Variants in GRK4 observed in about 807,000 individuals in gnomAD.
GRK4 encodes G protein-coupled receptor kinase 4, also known as G protein-coupled receptor kinase 2-like.
In GRK4, 73 loss-of-function variants were observed where a neutral mutation model predicts 77.9. The observed-to-expected ratio is 0.94, with a 90% confidence interval of 0.78 to 1.14. GRK4 has a LOEUF of 1.14. Ranked by LOEUF, GRK4 falls within the 50% of genes most tolerant of loss-of-function variation. The probability of loss-of-function intolerance (pLI) is 0.00; values close to 1 mark genes in which losing one functional copy is unlikely to be tolerated. For missense variants in GRK4, 729 were observed against 700.2 expected (o/e 1.04, Z -0.46); for synonymous variants, 257 against 254.4 (o/e 1.01, Z -0.10).
At chr4:3,004,489 T>C (rs1730733835) in intron 5 of GRK4, among the ~76,000 whole-genome samples, 155 bp downstream of exon 5, 2 of 152,198 alleles carry the variant, frequency 1.3e-5, no homozygotes, top group Non-Finnish European at 2.9e-5. Flanking sequence ...CCCAACCTTC[T>C]GCGCAGTTGA....
Position 3,009,723 on chromosome 4 carries a change from G to A in GRK4, c.600+12G>A, listed in dbSNP as rs1187538597. ...GCGGATTTGGAGAGGTGAGTAACGG[G>A]AGCCAGTTCATAGCAGCGCTGCTAG... On this transcript the variant is annotated intron_variant, in intron 7 of 15. Coordinates refer to ENST00000398052, the MANE Select transcript of GRK4 (RefSeq NM_182982.3). The A allele has an allele frequency of 1.2e-6, 2 of 1,609,442 alleles. No homozygotes were observed. Among genetic ancestry groups the A allele is most frequent in the Non-Finnish European group, 1.7e-6 (2 of 1,175,820 alleles).
At chr4:2,991,413 C>A (rs1726126215) in intron 3 of GRK4, among the ~76,000 whole-genome samples, 1 of 152,252 alleles carries the variant, frequency 6.6e-6, no homozygotes, top group Non-Finnish European at 1.5e-5. Flanking sequence ...GGCTCATAGC[C>A]TGCCCAGTTG....
Position 3,038,530 on chromosome 4 carries a change from A to G in GRK4, c.1683+17A>G. 1 of 1,600,854 alleles carries G rather than the reference A, an allele frequency of 6.2e-7. No individual in the cohort carries two copies. The highest frequency in any genetic ancestry group is 1.1e-5 in the South Asian group (1 of 89,758). ...AGAAGAGGGGTAAAAAGACTTAAAA[A>G]CTAATATATGTGTGTGTATGTGAAA... On this transcript the variant is annotated intron_variant, in intron 15 of 15. Coordinates refer to ENST00000398052, the MANE Select transcript of GRK4 (RefSeq NM_182982.3).
intron 12 of GRK4, among the ~76,000 whole-genome samples, chr4:3,033,279 C>G (rs1739660394): frequency 6.6e-6 from 1 of 152,174 alleles, no homozygotes; most frequent in Non-Finnish European, 1.5e-5. Flanking sequence ...TCACTGCACC[C>G]TCACAGGGCA....
chr4:3,036,531 G>A (rs1223023612), intron 13 of GRK4, among the ~76,000 whole-genome samples: 2 of 152,264 alleles, frequency 1.3e-5, no homozygotes, highest in Non-Finnish European at 2.9e-5. Flanking sequence ...GAGCAGATGA[G>A]GGTCCCACAG....
intron 2 of GRK4, chr4:2,986,834 A>G: frequency 8.5e-6 from 3 of 351,988 alleles, no homozygotes; most frequent in Non-Finnish European, 1.7e-5. Context: ...TTAAAGAAAG[A>G]TGATGAAGTA....
In GRK4 at chr4:3,028,400, C is replaced by T. The variant is rs1738213289; in HGVS notation, c.1060+399C>T. The stretch of plus-strand genomic sequence containing the variant: ...GTGCCAGCCAACCCCCAGGGGTGGC[C>T]TCTGAGAGCCTCGCAGAGTCCTGCA... On this transcript the variant is annotated intron_variant, in intron 11 of 15. Transcript: ENST00000398052. Among the ~76,000 whole-genome samples, 2 of 152,234 alleles carry T rather than the reference C, an allele frequency of 1.3e-5. 1 individual carries two copies. Among genetic ancestry groups the T allele is most frequent in the South Asian group, 4.1e-4 (2 of 4,828 alleles).
chr4:2,989,062 G>A (rs560594398), intron 3 of GRK4, among the ~76,000 whole-genome samples: 35 of 152,190 alleles, frequency 2.3e-4, no homozygotes, highest in African/African-American at 7.9e-4. Flanking sequence ...CGTGCCTGTA[G>A]TCCCAGCTAC....
intron 1 of GRK4, among the ~76,000 whole-genome samples, chr4:2,982,736 A>G (rs1270805715): frequency 6.6e-6 from 1 of 152,194 alleles, no homozygotes; most frequent in African/African-American, 2.4e-5. Flanking sequence ...ACCCATAACC[A>G]AAGATGATAG....
chr4:2,987,600 T>TA (rs573520733), intron 2 of GRK4, among the ~76,000 whole-genome samples: 29 of 152,306 alleles, frequency 1.9e-4, no homozygotes, highest in Middle Eastern at 3.4e-3. Flanking sequence ...GGTGTGCAAA[T>TA]ACCTGTTTGA....
At chr4:3,019,969 G>T (rs1438521342) in intron 9 of GRK4, 138 bp downstream of exon 9, 2 of 797,796 alleles carry the variant, frequency 2.5e-6, no homozygotes, top group Non-Finnish European at 4.0e-6. Context: ...GATTCTTAGG[G>T]TTGGTCACTT....
rs1248748897 is a variant in GRK4 at position 2,963,750 on chromosome 4, C to G, written c.-321C>G. 1 of 444,142 alleles carries G rather than the reference C, an allele frequency of 2.3e-6. No homozygotes were observed. Among genetic ancestry groups the G allele is most frequent in the African/African-American group, 2.1e-5 (1 of 47,290 alleles). The allele number at this position is 444,142 out of a possible 1,614,324, so 27.5% of individuals were successfully genotyped here. ...GGGCAGGGCACTGAGGAGGGAGTTG[C>G]GCGCGCGAGGCGAGGGCGATGGGGC... On this transcript the variant is annotated 5_prime_UTR_variant, in exon 1 of 16. Coordinates refer to ENST00000398052, the MANE Select transcript of GRK4 (RefSeq NM_182982.3).
chr4:2,964,643 A>G (rs1227643448), intron 1 of GRK4, among the ~76,000 whole-genome samples: 1 of 152,234 alleles, frequency 6.6e-6, no homozygotes, highest in Non-Finnish European at 1.5e-5. Context: ...TGGTGTGTCA[A>G]GTGTGCTTTA....
At chr4:3,028,535 G>T (rs73084159) in intron 11 of GRK4, among the ~76,000 whole-genome samples, 3,967 of 152,318 alleles carry the variant, frequency 0.026, 175 homozygotes, top group African/African-American at 0.089. Flanking sequence ...GCATGGCTCT[G>T]TGTGTCTGGA....
intron 1 of GRK4, chr4:2,966,773 G>T (rs1394346252): frequency 1.3e-5 from 2 of 152,190 alleles, no homozygotes; most frequent in Non-Finnish European, 2.9e-5. Context: ...CCTTTGAAAT[G>T]AATGAACGTA....
intron 1 of GRK4, among the ~76,000 whole-genome samples, chr4:2,978,628 C>T (rs1405345937): frequency 2.0e-5 from 3 of 152,132 alleles, no homozygotes; most frequent in Admixed American, 1.3e-4. Context: ...TCAAGAGCAT[C>T]TTATCTCAAT....
In GRK4 at chr4:3,040,641, C is replaced by T. The variant is rs1411384912; in HGVS notation, c.*16C>T. ...GCAATGCTGAGCACCCCGGTGCGGACCACAGAGCAGACCCTGGCGCCAGGA... is the reference window on the plus strand; with the variant it reads ...GCAATGCTGAGCACCCCGGTGCGGATCACAGAGCAGACCCTGGCGCCAGGA... On this transcript the variant is annotated 3_prime_UTR_variant, in exon 16 of 16. Coordinates refer to ENST00000398052, the MANE Select transcript of GRK4 (RefSeq NM_182982.3). 3 of 1,607,454 alleles carry T rather than the reference C, an allele frequency of 1.9e-6. No individual in the cohort carries two copies. The highest frequency in any genetic ancestry group is 2.5e-6 in the Non-Finnish European group (3 of 1,176,762).
At chr4:2,972,736 TA>T (rs200908596) in intron 1 of GRK4, among the ~76,000 whole-genome samples, 4 of 152,008 alleles carry the variant, frequency 2.6e-5, no homozygotes, top group African/African-American at 9.7e-5. Flanking sequence ...ATTTACTCTT[TA>T]AAAAAATTTT....
At chr4:3,038,211 G>T (rs995745809) in intron 14 of GRK4, among the ~76,000 whole-genome samples, 165 bp from the exon 15 acceptor site, 1 of 152,216 alleles carries the variant, frequency 6.6e-6, no homozygotes, top group African/African-American at 2.4e-5. Context: ...CCAAGAAGAG[G>T]TCAGGAAGCA....
Sources: gnomAD v4.1 joint callset for allele counts (sites outside exome capture counted in the v4.1 genomes callset) on GRCh38, gnomAD v4.1.1 for gene constraint, MANE v1.5 for transcripts, NCBI Gene and HGNC (gene_info 2026-07-23, HGNC 2026-07-21) for gene names.